The following TMEM132D variants were observed in gnomAD, a reference collection of about 807,000 sequenced individuals.
TMEM132D encodes transmembrane protein 132D, also known as mature OL transmembrane protein.
TMEM132D carries 21 observed loss-of-function variants against 62.3 expected under a neutral mutation model. That is an observed-to-expected ratio of 0.34 (90% CI 0.24 to 0.49). The LOEUF is 0.49. Ranked by LOEUF, TMEM132D falls within the 20% of genes least tolerant of loss-of-function variation. The pLI is 0.99. For synonymous variants in TMEM132D, 621 were observed against 575.6 expected, an observed-to-expected ratio of 1.08 and a Z score of -1.13; for missense variants, 1,346 against 1,402.8, an observed-to-expected ratio of 0.96 and a Z score of 0.65.
At chr12:129,120,528 G>T (rs931089349) in intron 5 of TMEM132D, among the ~76,000 whole-genome samples, 4 of 152,112 alleles carry the variant, frequency 2.6e-5, no homozygotes, top group Admixed American at 2.6e-4. Context: ...CGAAGGTTAT[G>T]AAAAATTAGA....
chr12:129,862,440 G>C (rs1325192563), intron 1 of TMEM132D, among the ~76,000 whole-genome samples: 2 of 152,184 alleles, frequency 1.3e-5, no homozygotes, highest in African/African-American at 4.8e-5. Context: ...CCACTGCACA[G>C]GTGTCTCTCT....
At chr12:129,861,102 T>C (rs1873884021) in intron 1 of TMEM132D, among the ~76,000 whole-genome samples, 1 of 150,200 alleles carries the variant, frequency 6.7e-6, no homozygotes. Flanking sequence ...CTGAAAATCT[T>C]TTTTATAGAA....
intron 2 of TMEM132D, among the ~76,000 whole-genome samples, chr12:129,563,573 A>G (rs2137114912): frequency 6.6e-6 from 1 of 152,336 alleles, no homozygotes; most frequent in Non-Finnish European, 1.5e-5. Flanking sequence ...TTTCTGGTAG[A>G]TATTTCATTC....
intron 2 of TMEM132D, among the ~76,000 whole-genome samples, chr12:129,604,032 T>A (rs1439216479): frequency 1.3e-5 from 2 of 152,258 alleles, no homozygotes; most frequent in African/African-American, 4.8e-5. Flanking sequence ...TGGATGAAGC[T>A]GGAAATCATT....
chr12:129,081,518 G>A (rs34941336), intron 7 of TMEM132D, among the ~76,000 whole-genome samples: 1,880 of 152,070 alleles, frequency 0.012, 17 homozygotes, highest in African/African-American at 0.032. Flanking sequence ...CAGGCTAATC[G>A]CAAACTACTG....
At chr12:129,428,084 G>T (rs1053430204) in intron 3 of TMEM132D, among the ~76,000 whole-genome samples, 1 of 152,072 alleles carries the variant, frequency 6.6e-6, no homozygotes, top group African/African-American at 2.4e-5. Context: ...GAGAAGAGAG[G>T]AAACAGGGAC....
At chr12:129,282,661 G>A (rs1881188965) in intron 4 of TMEM132D, among the ~76,000 whole-genome samples, 1 of 152,138 alleles carries the variant, frequency 6.6e-6, no homozygotes, top group African/African-American at 2.4e-5. Flanking sequence ...GGAGGTAGGT[G>A]GAATGTAGGT....
At chr12:129,696,445 A>C (rs914105692) in intron 2 of TMEM132D, among the ~76,000 whole-genome samples, 7 of 152,204 alleles carry the variant, frequency 4.6e-5, no homozygotes, top group Admixed American at 2.6e-4. Flanking sequence ...CTCTGCCTTT[A>C]AGAACAGCCC....
intron 1 of TMEM132D, among the ~76,000 whole-genome samples, chr12:129,816,976 T>C (rs182017223): frequency 2.6e-5 from 4 of 152,336 alleles, no homozygotes; most frequent in African/African-American, 9.6e-5. Flanking sequence ...TCATCTAATT[T>C]TATCAAGAAT....
chr12:129,470,018 C>A lies in TMEM132D; in HGVS notation c.1115+61041G>T, dbSNP rs545165291. 7.2e-5 allele frequency among the ~76,000 whole-genome samples: 11 copies of A among 152,228 alleles called. No homozygotes were observed. The South Asian group carries it at 2.1e-3, about 29-fold the overall frequency. On this transcript the variant is annotated intron_variant, in intron 3 of 8. Transcript: ENST00000422113. ...AATTTTCCAGAGGGATGAAATATGG[C>A]TGCCCGGCCTGTGTACAGTATGTGA... is the stretch of plus-strand genomic sequence containing the variant.
chr12:129,120,448 T>G (rs1036577224), intron 5 of TMEM132D, among the ~76,000 whole-genome samples: 3 of 152,144 alleles, frequency 2.0e-5, no homozygotes, highest in Non-Finnish European at 4.4e-5. Flanking sequence ...AGTCTAATCA[T>G]GAGAAAGCAC....
intron 2 of TMEM132D, among the ~76,000 whole-genome samples, chr12:129,613,490 G>A (rs528910942): frequency 2.0e-4 from 31 of 152,270 alleles, no homozygotes; most frequent in African/African-American, 4.6e-4. Context: ...CCATTCTGTC[G>A]TGCCCAGGCC....
At chr12:129,421,337 A>C (rs1313162490) in intron 3 of TMEM132D, among the ~76,000 whole-genome samples, 1 of 152,328 alleles carries the variant, frequency 6.6e-6, no homozygotes, top group Admixed American at 6.5e-5. Context: ...CCATTAAAAT[A>C]ACCAAAGGTT....
At chr12:129,134,617 C>A (rs141600056) in intron 5 of TMEM132D, among the ~76,000 whole-genome samples, 119 of 152,196 alleles carry the variant, frequency 7.8e-4, no homozygotes, top group African/African-American at 2.6e-3. Context: ...TTATTCTCCC[C>A]ATTTAATAAT....
chr12:129,539,855 G>A (rs1431428964), intron 2 of TMEM132D, among the ~76,000 whole-genome samples: 8 of 152,140 alleles, frequency 5.3e-5, no homozygotes, highest in Admixed American at 5.2e-4. Context: ...GCAGCTCAAA[G>A]CCAGAAACGG....
chr12:129,874,845 C>A (rs551263619), intron 1 of TMEM132D, among the ~76,000 whole-genome samples: 1 of 151,986 alleles, frequency 6.6e-6, no homozygotes, highest in East Asian at 1.9e-4. Flanking sequence ...GGATTACAGG[C>A]GTGCGCCACC....
intron 1 of TMEM132D, among the ~76,000 whole-genome samples, chr12:129,721,835 T>G (rs1414199271): frequency 6.6e-6 from 1 of 152,154 alleles, no homozygotes; most frequent in Non-Finnish European, 1.5e-5. Flanking sequence ...CCAGCCAGCT[T>G]CCAAGCGGGC....
intron 3 of TMEM132D, among the ~76,000 whole-genome samples, chr12:129,504,147 C>T (rs558422160): frequency 6.6e-5 from 10 of 152,114 alleles, no homozygotes; most frequent in Admixed American, 4.6e-4. Context: ...CCCTCATCAC[C>T]GTCATCATCA....
At chr12:129,778,708 G>T (rs536501299) in intron 1 of TMEM132D, among the ~76,000 whole-genome samples, 7 of 152,350 alleles carry the variant, frequency 4.6e-5, no homozygotes, top group Non-Finnish European at 1.0e-4. Flanking sequence ...CGGCATGGTT[G>T]TATTTTGACT....
Sources: allele counts gnomAD v4.1 joint callset (sites outside exome capture counted in the v4.1 genomes callset), GRCh38; gene constraint gnomAD v4.1.1; transcripts MANE v1.5; gene names NCBI Gene and HGNC (gene_info 2026-07-23, HGNC 2026-07-21).